TMEFF1: variants seen among roughly 807,000 people sequenced by gnomAD.
TMEFF1 encodes transmembrane protein with EGF like and two follistatin like domains 1, also known as tomoregulin-1.
TMEFF1 carries 20 observed loss-of-function variants against 47.5 expected under a neutral mutation model. The ratio of observed to expected loss-of-function variants is 0.42; its 90% CI spans 0.30 to 0.61. The LOEUF is 0.61. Among genes scored for constraint, TMEFF1 ranks in the 20% least tolerant of loss-of-function variants. TMEFF1 has a pLI of 0.19. For synonymous variants in TMEFF1, 162 were observed against 166.3 expected (o/e 0.97, Z 0.20); for missense variants, 411 against 471.1 (o/e 0.87, Z 1.18).
At position 100,513,338 on chromosome 9, in the gene TMEFF1, G is replaced by A. The variant is rs1838002572; in HGVS notation, c.463+5G>A. The A allele has an allele frequency of 1.3e-6, 2 of 1,585,280 alleles. No individual in the cohort carries two copies. Among genetic ancestry groups the A allele is most frequent in the Non-Finnish European group, 1.7e-6 (2 of 1,168,198 alleles). On this transcript the variant is annotated splice_donor_5th_base_variant and intron_variant, in intron 4 of 9. Coordinates refer to ENST00000374879, the MANE Select transcript of TMEFF1 (RefSeq NM_003692.5). Reference sequence around the variant, plus strand: ...GATCTGGATCTGGAGAAGGAGGTAAGTTTCAAGTACCTCTTAAAGGATATT... The same window carrying A: ...GATCTGGATCTGGAGAAGGAGGTAAATTTCAAGTACCTCTTAAAGGATATT...
At chr9:100,524,764 C>T (rs1838225072) in intron 5 of TMEFF1, among the ~76,000 whole-genome samples, 1 of 151,940 alleles carries the variant, frequency 6.6e-6, no homozygotes, top group Non-Finnish European at 1.5e-5. Context: ...TTTTATTATA[C>T]TTTAAGTTCT....
intron 5 of TMEFF1, among the ~76,000 whole-genome samples, chr9:100,525,114 C>G (rs1838232389): frequency 6.6e-6 from 1 of 152,148 alleles, no homozygotes; most frequent in Non-Finnish European, 1.5e-5. Flanking sequence ...GCCCTCTACA[C>G]CTTGTATATA....
intron 1 of TMEFF1, among the ~76,000 whole-genome samples, chr9:100,484,608 C>T (rs59611728): frequency 6.6e-5 from 10 of 151,502 alleles, no homozygotes; most frequent in Non-Finnish European, 1.5e-4. Context: ...TGTGAGCCGC[C>T]GCGCCTGGCC....
intron 7 of TMEFF1, among the ~76,000 whole-genome samples, chr9:100,561,036 A>T (rs144942265): frequency 6.6e-6 from 1 of 152,216 alleles, no homozygotes; most frequent in Non-Finnish European, 1.5e-5. Flanking sequence ...AGCCAATTCT[A>T]TGTACACCAT....
chr9:100,497,028 C>A (rs1326433283), intron 1 of TMEFF1, among the ~76,000 whole-genome samples: 2 of 152,102 alleles, frequency 1.3e-5, no homozygotes, highest in East Asian at 3.9e-4. Context: ...GAAGATGTGT[C>A]TTTGATAGTA....
At chr9:100,488,247 C>A (rs1837487328) in intron 1 of TMEFF1, among the ~76,000 whole-genome samples, 1 of 151,914 alleles carries the variant, frequency 6.6e-6, no homozygotes, top group Non-Finnish European at 1.5e-5. Context: ...CACAATAGGT[C>A]TTAGTTGTCT....
chr9:100,541,209 T>C (rs1210264536), intron 5 of TMEFF1, among the ~76,000 whole-genome samples: 1 of 152,176 alleles, frequency 6.6e-6, no homozygotes, highest in African/African-American at 2.4e-5. Flanking sequence ...TACCTTTTTT[T>C]GGGAAGTATT....
At chr9:100,525,193 A>G (rs924961020) in intron 5 of TMEFF1, among the ~76,000 whole-genome samples, 6 of 152,116 alleles carry the variant, frequency 3.9e-5, no homozygotes, top group African/African-American at 1.4e-4. Context: ...CAACTCTCTG[A>G]CACTACCTAG....
chr9:100,479,098 CT>C (rs1170917255), intron 1 of TMEFF1, among the ~76,000 whole-genome samples: 3 of 152,130 alleles, frequency 2.0e-5, no homozygotes, highest in Admixed American at 1.3e-4. Context: ...GTGAGTTTTT[CT>C]AATTAATGGG....
intron 5 of TMEFF1, among the ~76,000 whole-genome samples, chr9:100,533,980 G>T (rs989358113): frequency 2.0e-5 from 3 of 152,072 alleles, no homozygotes; most frequent in East Asian, 1.9e-4. Flanking sequence ...ACCTTCTAAA[G>T]TGCTGGGATT....
chr9:100,514,069 T>G (rs1367137888), intron 4 of TMEFF1, among the ~76,000 whole-genome samples: 1 of 152,188 alleles, frequency 6.6e-6, no homozygotes, highest in Non-Finnish European at 1.5e-5. Context: ...TTAATGAGTA[T>G]GTACTGTATA....
At chr9:100,508,530 G>C (rs1249191545) in intron 2 of TMEFF1, among the ~76,000 whole-genome samples, 1 of 151,728 alleles carries the variant, frequency 6.6e-6, no homozygotes, top group Admixed American at 6.6e-5. Flanking sequence ...TCTCTGACAA[G>C]ATTGTAAGGT....
intron 5 of TMEFF1, among the ~76,000 whole-genome samples, chr9:100,532,063 T>C (rs556034779): frequency 2.0e-5 from 3 of 151,988 alleles, no homozygotes; most frequent in Admixed American, 2.0e-4. Context: ...ACTGGATCCC[T>C]TCCTTACACC....
At chr9:100,501,393 A>G (rs1304636339) in intron 2 of TMEFF1, among the ~76,000 whole-genome samples, 1 of 152,182 alleles carries the variant, frequency 6.6e-6, no homozygotes, top group East Asian at 1.9e-4. Flanking sequence ...TACTAGAGAA[A>G]TTGAAAATGT....
intron 2 of TMEFF1, among the ~76,000 whole-genome samples, chr9:100,507,208 G>A (rs960975829): frequency 9.9e-5 from 15 of 152,114 alleles, no homozygotes; most frequent in African/African-American, 3.4e-4. Flanking sequence ...TTTTATGGTT[G>A]TGTAGTATTC....
chr9:100,534,388 A>T (rs1479835400), intron 5 of TMEFF1, among the ~76,000 whole-genome samples: 1 of 152,014 alleles, frequency 6.6e-6, no homozygotes, highest in African/African-American at 2.4e-5. Flanking sequence ...AAATGTGACT[A>T]TACCCACACA....
At chr9:100,531,717 C>T (rs1838382288) in intron 5 of TMEFF1, among the ~76,000 whole-genome samples, 1 of 152,086 alleles carries the variant, frequency 6.6e-6, no homozygotes, top group Non-Finnish European at 1.5e-5. Flanking sequence ...TGCCTTTCTT[C>T]ACAGAATTGG....
chr9:100,519,871 A>C (rs1381537424), intron 5 of TMEFF1, among the ~76,000 whole-genome samples: 1 of 152,052 alleles, frequency 6.6e-6, no homozygotes, highest in Non-Finnish European at 1.5e-5. Context: ...TTCATGTAAA[A>C]AATACATTTG....
chr9:100,543,707 ACACACAC>A (rs1166028283), intron 5 of TMEFF1, among the ~76,000 whole-genome samples: 2 of 92,748 alleles, frequency 2.2e-5, no homozygotes, highest in African/African-American at 4.6e-5. Context: ...GAAGTAAAAC[ACACACAC>A]ACACACACAC....
Sources: gnomAD v4.1 joint callset for allele counts (sites outside exome capture counted in the v4.1 genomes callset) on GRCh38, gnomAD v4.1.1 for gene constraint, MANE v1.5 for transcripts, NCBI Gene and HGNC (gene_info 2026-07-23, HGNC 2026-07-21) for gene names.